The following SNRNP35 variants were observed in gnomAD, a reference collection of about 807,000 sequenced individuals.
The protein encoded by SNRNP35 is small nuclear ribonucleoprotein U11/U12 subunit 35, also known as U11/U12 small nuclear ribonucleoprotein 35 kDa protein.
In SNRNP35, 16 loss-of-function variants were observed where a neutral mutation model predicts 24.3. The ratio of observed to expected loss-of-function variants is 0.66; its 90% confidence interval spans 0.45 to 1.00. The LOEUF (loss-of-function observed/expected upper bound fraction) is 1.00, where lower values mean the gene tolerates loss of function less well. Among genes scored for constraint, SNRNP35 ranks in the 50% least tolerant of loss-of-function variants. The pLI, the probability that SNRNP35 is intolerant of heterozygous loss-of-function variation, is 0.00. For missense variants in SNRNP35, 292 were observed against 327.2 expected, an observed-to-expected ratio of 0.89 and a Z score of 0.83; for synonymous variants, 106 against 124.8, an observed-to-expected ratio of 0.85 and a Z score of 1.00.
downstream of SNRNP35, among the ~76,000 whole-genome samples, chr12:123,467,695 ATC>A (rs1217892786): frequency 6.6e-6 from 1 of 152,174 alleles, no homozygotes; most frequent in Non-Finnish European, 1.5e-5. Flanking sequence ...AGGAGTATGA[ATC>A]TCTCATGATA....
downstream of SNRNP35, chr12:123,470,113 T>G (rs1345017668): frequency 6.6e-6 from 1 of 152,196 alleles, no homozygotes; most frequent in Non-Finnish European, 1.5e-5. Context: ...TCTGATGGAT[T>G]GATTTTTCCT....
chr12:123,468,916 T>C (rs1002243236), downstream of SNRNP35, among the ~76,000 whole-genome samples: 1 of 152,168 alleles, frequency 6.6e-6, no homozygotes, highest in South Asian at 2.1e-4. Flanking sequence ...GCAACACTTT[T>C]TGAGAGTAAA....
chr12:123,463,971 T>C (rs1294728035), intron 1 of SNRNP35, among the ~76,000 whole-genome samples: 1 of 149,188 alleles, frequency 6.7e-6, no homozygotes, highest in Non-Finnish European at 1.5e-5. Context: ...TTTGCTCTTA[T>C]TGCTCAGGCT....
rs760866730 is a variant in SNRNP35 at position 123,465,676 on chromosome 12, A to G, written c.136A>G (p.Ile46Val). 8.1e-6 allele frequency: 13 copies of G among 1,614,034 alleles called. No homozygotes were observed. Among genetic ancestry groups the G allele is most frequent in the Non-Finnish European group, 1.0e-5 (12 of 1,179,976 alleles). Residue 46 changes from isoleucine to valine, a missense_variant, in exon 2 of 2, where the codon ATA (isoleucine) becomes GTA (valine). By Grantham distance (29) the Ile-to-Val change is conservative (BLOSUM62 3). Coordinates refer to ENST00000526639, the MANE Select transcript of SNRNP35 (RefSeq NM_022717.4). The surrounding 1 kb of genome is among the most constrained non-coding windows in gnomAD (Gnocchi z 4.2). The part of the protein sequence containing the change: ...LARYVPNKGV[I>V]GDPLLTLFVA... ...ACGATATGTCCCCAACAAAGGTGTC[A>G]TAGGAGATCCCCTCCTCACCCTGTT...
At chr12:123,472,605 T>C (rs1167817035) in exon 2 of SNRNP35, 4 of 1,577,272 alleles carry the variant, frequency 2.5e-6, no homozygotes, top group Non-Finnish European at 2.6e-6. Context: ...GTTTGCCCAC[T>C]GTCCAAAGGA....
chr12:123,462,519 T>G (rs7297035), intron 1 of SNRNP35, among the ~76,000 whole-genome samples: 25,014 of 143,244 alleles, frequency 0.17, 1,995 homozygotes, highest in Middle Eastern at 0.23. Context: ...TTTTTTTTTT[T>G]CTTCTGAGAT....
chr12:123,458,353 T>A, intron 1 of SNRNP35, 137 bp downstream of exon 1: 2 of 455,524 alleles, frequency 4.4e-6, no homozygotes, highest in Non-Finnish European at 5.8e-6. Context: ...CTGGGTTGCG[T>A]TGCGGGGAGT....
exon 2 of SNRNP35, chr12:123,472,477 C>T: frequency 6.5e-7 from 1 of 1,540,078 alleles, no homozygotes; most frequent in Non-Finnish European, 8.8e-7. Flanking sequence ...CCCTGGGCTG[C>T]AGTTCGGTTG....
chr12:123,459,350 C>T (rs1053739812), intron 1 of SNRNP35: 3 of 152,266 alleles, frequency 2.0e-5, no homozygotes, highest in Non-Finnish European at 4.4e-5. Flanking sequence ...CTACATTTCA[C>T]AATAAGAATC....
chr12:123,459,329 G>T (rs1880470321), intron 1 of SNRNP35: 1 of 152,254 alleles, frequency 6.6e-6, no homozygotes, highest in Non-Finnish European at 1.5e-5. Flanking sequence ...ACCTAGTGAA[G>T]TGACATTTAG....
rs1880987380 is a variant in SNRNP35 at position 123,466,385 on chromosome 12, T to C, written c.*104T>C. On this transcript the variant is annotated 3_prime_UTR_variant, in exon 2 of 2. Transcript: ENST00000526639. The stretch of plus-strand genomic sequence containing the variant: ...CTAATGGTTGAATAAAACTTACTGA[T>C]GATCATGGGGTTTGGAATAGTTTTC... 3 of 1,219,016 alleles carry C rather than the reference T, an allele frequency of 2.5e-6. No individual in the cohort carries two copies. The highest frequency in any genetic ancestry group is 4.9e-5 in the East Asian group (2 of 40,510). 75.5% of individuals were successfully genotyped at this position (1,219,016 alleles called of 1,614,324 possible). A position where few individuals can be genotyped will look rare whatever the true frequency, so the allele number is the denominator to read the frequency against.
chr12:123,459,887 CAATG>C (rs1880507897), intron 1 of SNRNP35: 1 of 1,592,368 alleles, frequency 6.3e-7, no homozygotes, highest in South Asian at 1.1e-5. Flanking sequence ...TAATGAGAAA[CAATG>C]AAACCAGCTG....
chr12:123,468,183 G>A (rs1323702291), downstream of SNRNP35, among the ~76,000 whole-genome samples: 1 of 150,874 alleles, frequency 6.6e-6, no homozygotes, highest in African/African-American at 2.4e-5. Flanking sequence ...ACATGGTAAA[G>A]CCCCATCCCT....
chr12:123,458,277 G>A (rs1279438029), intron 1 of SNRNP35, 61 bp downstream of exon 1: 5 of 967,322 alleles, frequency 5.2e-6, no homozygotes, highest in Non-Finnish European at 6.1e-6. Flanking sequence ...GAGGGAGTGC[G>A]GCCCAGACGC....
downstream of SNRNP35, among the ~76,000 whole-genome samples, chr12:123,467,251 T>C (rs1346291336): frequency 3.3e-5 from 5 of 152,210 alleles, no homozygotes; most frequent in Non-Finnish European, 2.9e-5. Flanking sequence ...CTTGAACAAA[T>C]GCACTTCCAT....
intron 1 of SNRNP35, among the ~76,000 whole-genome samples, chr12:123,461,505 G>A (rs1378243991): frequency 6.6e-6 from 1 of 151,884 alleles, no homozygotes; most frequent in Non-Finnish European, 1.5e-5. Context: ...CCCAGACCAG[G>A]ACTGAAATTG....
chr12:123,460,277 G>C (rs1203235209), intron 1 of SNRNP35, among the ~76,000 whole-genome samples: 1 of 152,086 alleles, frequency 6.6e-6, no homozygotes, highest in Non-Finnish European at 1.5e-5. Context: ...TTTATGAAAA[G>C]CATCAGAGGA....
intron 1 of SNRNP35, chr12:123,459,640 T>C (rs1880490941): frequency 2.0e-6 from 1 of 491,338 alleles, no homozygotes; most frequent in African/African-American, 2.0e-5. Context: ...ATGCAAAAAT[T>C]AGCTGGGCGT....
rs769545043 is a variant in SNRNP35, at chr12:123,465,108, G to C, written c.-3-430G>C. 2.0e-5 allele frequency among the ~76,000 whole-genome samples: 3 copies of C among 152,204 alleles called. No individual in the cohort carries two copies. The highest frequency in any genetic ancestry group is 4.4e-5 in the Non-Finnish European group (3 of 68,046). On this transcript the variant is annotated intron_variant, in intron 1 of 1. Coordinates refer to ENST00000526639, the MANE Select transcript of SNRNP35 (RefSeq NM_022717.4). The surrounding 1 kb of genome is among the most constrained non-coding windows in gnomAD (Gnocchi z 4.2). ...TTGGTATTTGATATTCTTGGTAGTA[G>C]AGTTTTTAAATTGCCATTTTCCACC...
Sources: gnomAD v4.1 joint callset for allele counts (sites outside exome capture counted in the v4.1 genomes callset) on GRCh38, gnomAD v4.1.1 for gene constraint, Gnocchi (gnomAD v3.1) non-coding constraint, MANE v1.5 for transcripts, NCBI Gene and HGNC (gene_info 2026-07-23, HGNC 2026-07-21) for gene names.